TBC1D22B: variants seen among roughly 807,000 people sequenced by gnomAD.
TBC1D22B encodes the protein chromosome 6 open reading frame 197.
In TBC1D22B, 32 loss-of-function variants were observed where a neutral mutation model predicts 69.1. That is an observed-to-expected ratio of 0.46 (90% CI 0.35 to 0.62). TBC1D22B has a LOEUF of 0.62. TBC1D22B is among the 20% of genes least tolerant of loss of function. The pLI is 0.00. For synonymous variants in TBC1D22B, 206 were observed against 229.8 expected (o/e 0.90, Z 0.94); for missense variants, 462 against 630.9 (o/e 0.73, Z 2.87).
intron 9 of TBC1D22B, 43 bp from the exon 10 acceptor site, chr6:37,313,773 A>G (rs1767997853): frequency 1.9e-6 from 3 of 1,582,558 alleles, no homozygotes; most frequent in Non-Finnish European, 2.6e-6. Flanking sequence ...GTGATAACAC[A>G]AGTTAGAGTC....
intron 8 of TBC1D22B, among the ~76,000 whole-genome samples, chr6:37,298,631 C>T (rs1471625869): frequency 4.0e-5 from 6 of 149,370 alleles, no homozygotes; most frequent in East Asian, 2.0e-4. Flanking sequence ...CTGCAAGCTC[C>T]GCCTCCCGGG....
chr6:37,265,039 T>TGCCTG (rs1204157756), intron 1 of TBC1D22B, among the ~76,000 whole-genome samples: 1 of 152,262 alleles, frequency 6.6e-6, no homozygotes, highest in Non-Finnish European at 1.5e-5. Flanking sequence ...TCTAAATTCT[T>TGCCTG]GCCTGTCTTT....
intron 8 of TBC1D22B, among the ~76,000 whole-genome samples, chr6:37,296,375 G>C (rs1314878694): frequency 6.6e-6 from 1 of 152,098 alleles, no homozygotes; most frequent in East Asian, 1.9e-4. Flanking sequence ...ATCGAGACAG[G>C]GTCTCACTCT....
In TBC1D22B at chr6:37,331,251, G is replaced by A; in HGVS notation, c.*79G>A. ...CACTGTGGCCACTGTGCGAGCCGTGGACCCCGGCCAGGAACCACTCCTGTT... is the reference window on the plus strand; with the variant it reads ...CACTGTGGCCACTGTGCGAGCCGTGAACCCCGGCCAGGAACCACTCCTGTT... On this transcript the variant is annotated 3_prime_UTR_variant, in exon 13 of 13. Transcript: ENST00000373491. 1 of 1,498,580 alleles carries A rather than the reference G, an allele frequency of 6.7e-7. No individual in the cohort carries two copies. The highest frequency in any genetic ancestry group is 1.2e-5 in the South Asian group (1 of 84,914). 92.8% of individuals were successfully genotyped at this position (1,498,580 alleles called of 1,614,324 possible). A position where few individuals can be genotyped will look rare whatever the true frequency, so the allele number is the denominator to read the frequency against.
intron 8 of TBC1D22B, among the ~76,000 whole-genome samples, chr6:37,295,057 C>T (rs781385766): frequency 6.6e-6 from 1 of 152,176 alleles, no homozygotes; most frequent in African/African-American, 2.4e-5. Context: ...ATTAGTAAAG[C>T]AGTGGCAGGA....
At position 37,269,606 on chromosome 6, in the gene TBC1D22B, A is replaced by T; in HGVS notation, c.69A>T (p.Val23=). The T allele has an allele frequency of 6.2e-7, 1 of 1,614,154 alleles. No homozygotes were observed. The highest frequency in any genetic ancestry group is 8.5e-7 in the Non-Finnish European group (1 of 1,180,022). ...SAKLPGSIQP[V]YGAQHPPLDP... is the part of the protein sequence containing the mutation. ...TTTTTGCTTTTAGCATTCAGCCTGTATATGGAGCACAGCATCCTCCTCTTG... is the reference window on the plus strand; with the variant it reads ...TTTTTGCTTTTAGCATTCAGCCTGTTTATGGAGCACAGCATCCTCCTCTTG... The change falls in exon 2 of 13, where the codon GTA becomes GTT. Residue 23 remains valine, a synonymous_variant. Transcript: ENST00000373491.
intron 8 of TBC1D22B, among the ~76,000 whole-genome samples, chr6:37,302,384 C>T (rs1767595436): frequency 6.6e-6 from 1 of 152,152 alleles, no homozygotes; most frequent in African/African-American, 2.4e-5. Flanking sequence ...ACTCTTTCCT[C>T]CAAGAGCTTT....
chr6:37,330,612 C>T (rs1353388806), intron 12 of TBC1D22B, among the ~76,000 whole-genome samples: 1 of 152,104 alleles, frequency 6.6e-6, no homozygotes, highest in East Asian at 1.9e-4. Flanking sequence ...CGTCACTGCA[C>T]TCCAGCTTGG....
intron 6 of TBC1D22B, among the ~76,000 whole-genome samples, chr6:37,286,352 G>A (rs1312275708): frequency 6.9e-6 from 1 of 145,246 alleles, no homozygotes; most frequent in East Asian, 2.0e-4. Context: ...GTCTTGCTCT[G>A]TCGCCCAGGC....
At chr6:37,321,977 G>T (rs1279185195) in intron 12 of TBC1D22B, among the ~76,000 whole-genome samples, 2 of 152,242 alleles carry the variant, frequency 1.3e-5, no homozygotes, top group Non-Finnish European at 2.9e-5. Flanking sequence ...TGGGAGGAAA[G>T]TAAATGGTGG....
intron 8 of TBC1D22B, among the ~76,000 whole-genome samples, chr6:37,309,779 G>A (rs1484828014): frequency 6.6e-6 from 1 of 152,056 alleles, no homozygotes; most frequent in Non-Finnish European, 1.5e-5. Context: ...ATCCATCCCT[G>A]AGGAAATGGA....
intron 2 of TBC1D22B, among the ~76,000 whole-genome samples, chr6:37,272,990 A>C (rs1302378188): frequency 6.6e-6 from 1 of 152,146 alleles, no homozygotes; most frequent in African/African-American, 2.4e-5. Context: ...GACTGGTCTC[A>C]TCTCATTGGT....
chr6:37,283,851 C>A (rs1249969500), intron 5 of TBC1D22B, among the ~76,000 whole-genome samples: 1 of 152,240 alleles, frequency 6.6e-6, no homozygotes, highest in East Asian at 1.9e-4. Flanking sequence ...TCAGCTGCTT[C>A]CTAAGCTGGT....
chr6:37,283,095 A>G lies in TBC1D22B; in HGVS notation c.672+143A>G, dbSNP rs1583542735. On this transcript the variant is annotated intron_variant, in intron 5 of 12. Coordinates refer to ENST00000373491, the MANE Select transcript of TBC1D22B (RefSeq NM_017772.4). ...GACAGAACTATGGGACTATAGTCCT[A>G]TTTCTGTGCATAAAGAAATACATTC... 1.1e-5 allele frequency: 7 copies of G among 656,298 alleles called. No individual in the cohort carries two copies. In the East Asian group the frequency reaches 1.7e-4, roughly 16 times the overall value. The allele number at this position is 656,298 out of a possible 1,614,324, so 40.7% of individuals were successfully genotyped here.
intron 2 of TBC1D22B, among the ~76,000 whole-genome samples, chr6:37,275,953 C>T (rs1489078494): frequency 6.9e-6 from 1 of 145,410 alleles, no homozygotes; most frequent in East Asian, 2.0e-4. Context: ...CTGTTTCATT[C>T]TTTTCTTTTT....
intron 12 of TBC1D22B, among the ~76,000 whole-genome samples, chr6:37,319,214 T>G (rs1768168381): frequency 6.6e-6 from 1 of 152,198 alleles, no homozygotes; most frequent in Admixed American, 6.5e-5. Flanking sequence ...GGCCACTGAT[T>G]AAGAACCATG....
intron 1 of TBC1D22B, among the ~76,000 whole-genome samples, chr6:37,267,536 A>AAT (rs1269549669): frequency 1.3e-4 from 18 of 134,410 alleles, no homozygotes; most frequent in Admixed American, 8.8e-4. Flanking sequence ...CTATATATAT[A>AAT]ATATATATAT....
intron 1 of TBC1D22B, among the ~76,000 whole-genome samples, chr6:37,268,894 A>G (rs1766391198): frequency 6.6e-6 from 1 of 152,218 alleles, no homozygotes; most frequent in Admixed American, 6.5e-5. Context: ...TCATTGGTGT[A>G]TAATGTTCTG....
intron 8 of TBC1D22B, among the ~76,000 whole-genome samples, chr6:37,304,704 T>C (rs558806851): frequency 6.6e-6 from 1 of 152,178 alleles, no homozygotes; most frequent in Non-Finnish European, 1.5e-5. Flanking sequence ...GCATTTTTTT[T>C]TTAAACCATA....
Sources: allele counts gnomAD v4.1 joint callset (sites outside exome capture counted in the v4.1 genomes callset), GRCh38; gene constraint gnomAD v4.1.1; transcripts MANE v1.5; gene names NCBI Gene and HGNC (gene_info 2026-07-23, HGNC 2026-07-21).